DNAJC10: variants seen among roughly 807,000 people sequenced by gnomAD.
DNAJC10 encodes endoplasmic reticulum disulfide reductase DNAJC10.
A neutral mutation model predicts 115.0 loss-of-function variants in DNAJC10; 101 were observed. The observed-to-expected ratio is 0.88, with a 90% CI of 0.75 to 1.04. The LOEUF (loss-of-function observed/expected upper bound fraction) is 1.04. Ranked by LOEUF, DNAJC10 falls within the 50% of genes least tolerant of loss-of-function variation. The probability of loss-of-function intolerance (pLI) is 0.00; values close to 1 mark genes in which losing one functional copy is unlikely to be tolerated. For missense variants in DNAJC10, 981 were observed against 928.8 expected, an observed-to-expected ratio of 1.06 and a Z score of -0.73; for synonymous variants, 307 against 301.5, an observed-to-expected ratio of 1.02 and a Z score of -0.19.
intron 23 of DNAJC10, 38 bp downstream of exon 23, chr2:182,775,458 G>A (rs754138855): frequency 1.4e-6 from 2 of 1,435,962 alleles, no homozygotes; most frequent in Admixed American, 1.8e-5. Context: ...GGCAAAAGTT[G>A]GCAAAAGTTA....
chr2:182,756,366 T>C lies in DNAJC10; in HGVS notation c.1706T>C (p.Leu569Pro). ...CTTACACCCACCACCTTCAACGAACTAGTTACACAAAGAAAACACAACGAA... is the reference window on the plus strand; with the variant it reads ...CTTACACCCACCACCTTCAACGAACCAGTTACACAAAGAAAACACAACGAA... The part of the protein sequence containing the change: ...VSLTPTTFNE[L>P]VTQRKHNEVW... Residue 569 changes from leucine (L) to proline (P), a missense_variant, in exon 18 of 24, where the codon CTA becomes CCA. By Grantham distance (98) the Leu-to-Pro change is moderately conservative. Transcript: ENST00000264065. 6.2e-7 allele frequency: 1 copy of C among 1,613,996 alleles called. No individual in the cohort carries two copies. The highest frequency in any genetic ancestry group is 8.5e-7 in the Non-Finnish European group (1 of 1,179,880).
At position 182,751,911 on chromosome 2, in the gene DNAJC10, T is replaced by C. The variant is rs184909727; in HGVS notation, c.1434+126T>C. ...TGTGTCATTCCATTATGGCCACTAA[T>C]GCATATTGCTTTTAAATGAGTGCTA... On this transcript the variant is annotated intron_variant, in intron 15 of 23. Transcript: ENST00000264065. 3.1e-3 allele frequency: 4,009 copies of C among 1,295,984 alleles called. 11 individuals carry two copies. Among genetic ancestry groups the C allele is most frequent in the Non-Finnish European group, 4.1e-3 (3,800 of 928,486 alleles). 80.3% of individuals were successfully genotyped at this position (1,295,984 alleles called of 1,614,324 possible).
intron 14 of DNAJC10, among the ~76,000 whole-genome samples, chr2:182,745,905 C>T (rs1016126915): frequency 1.3e-5 from 2 of 151,864 alleles, no homozygotes; most frequent in Admixed American, 1.3e-4. Flanking sequence ...CACCCCACAA[C>T]AGTACCCAGA....
At chr2:182,724,000 T>G (rs1386735819) in intron 5 of DNAJC10, among the ~76,000 whole-genome samples, 1 of 152,180 alleles carries the variant, frequency 6.6e-6, no homozygotes, top group Non-Finnish European at 1.5e-5. Flanking sequence ...AAGCAGATGT[T>G]ATCATTTCTG....
chr2:182,743,085 A>C (rs1041491181), intron 13 of DNAJC10, among the ~76,000 whole-genome samples: 7 of 151,908 alleles, frequency 4.6e-5, no homozygotes, highest in African/African-American at 1.7e-4. Context: ...GACCTCAGGC[A>C]ATTCAGCTAC....
chr2:182,741,389 TG>T, intron 13 of DNAJC10, 33 bp downstream of exon 13: 3 of 1,115,326 alleles, frequency 2.7e-6, no homozygotes, highest in Non-Finnish European at 3.9e-6. Flanking sequence ...AGCCTTCTGC[TG>T]GTGTACTTTG....
intron 5 of DNAJC10, 25 bp downstream of exon 5, chr2:182,722,100 A>G: frequency 6.7e-7 from 1 of 1,484,352 alleles, no homozygotes. Flanking sequence ...TTAAGGTTTT[A>G]TAAAACTAAT....
intron 21 of DNAJC10, among the ~76,000 whole-genome samples, chr2:182,760,334 T>A (rs1305898128): frequency 6.6e-6 from 1 of 152,208 alleles, no homozygotes; most frequent in Non-Finnish European, 1.5e-5. Flanking sequence ...ATATTAATTC[T>A]TTATTTATTA....
rs1045217069 is a variant in DNAJC10 at position 182,792,649 on chromosome 2, C to T, written c.*15517C>T. The T allele has an allele frequency of 1.3e-5, 2 of 152,232 alleles. No individual in the cohort carries two copies. Among genetic ancestry groups the T allele is most frequent in the African/African-American group, 2.4e-5 (1 of 41,462 alleles). The allele number at this position is 152,232 out of a possible 1,614,324, so 9.4% of individuals were successfully genotyped here. ...GGCCTATAACCTCAAACCAGTTTAT[C>T]TGCAAGAGAAGTGTGTGAAGTTAGA... On this transcript the variant is annotated 3_prime_UTR_variant, in exon 24 of 24. Coordinates refer to ENST00000264065, the MANE Select transcript of DNAJC10 (RefSeq NM_018981.4).
intron 21 of DNAJC10, among the ~76,000 whole-genome samples, chr2:182,759,625 G>C (rs1462552808): frequency 6.6e-6 from 1 of 151,978 alleles, no homozygotes. Context: ...GCAGTTACTA[G>C]ATTGTGTCAG....
At position 182,743,626 on chromosome 2, in the gene DNAJC10, C is replaced by A. The variant is rs776733960; in HGVS notation, c.1220C>A (p.Pro407Gln). The change falls in exon 14 of 24, where the codon CCA becomes CAA. Residue 407 changes from proline to glutamine, a missense_variant. Pro to Gln is a moderately conservative substitution (Grantham distance 76, BLOSUM62 -1). Coordinates refer to ENST00000264065, the MANE Select transcript of DNAJC10 (RefSeq NM_018981.4). ...GGCAGGTTTGACTGTTCCTCTGCAC[C>A]AGACATCTGTAGTAATCTGTATGTT... ...QVGRFDCSSA[P>Q]DICSNLYVFQ... The A allele has an allele frequency of 1.9e-6, 3 of 1,613,230 alleles. No individual in the cohort carries two copies. The African/African-American group carries it at 4.0e-5, about 22-fold the overall frequency.
At chr2:182,733,688 A>AT (rs10642468) in intron 10 of DNAJC10, among the ~76,000 whole-genome samples, 45,222 of 133,878 alleles carry the variant, frequency 0.34, 9,425 homozygotes, top group East Asian at 0.52. Context: ...TTCTTTCTCA[A>AT]TTTTTTTTTT....
chr2:182,734,410 T>G (rs563120168), intron 10 of DNAJC10, among the ~76,000 whole-genome samples: 3 of 151,880 alleles, frequency 2.0e-5, no homozygotes, highest in Admixed American at 2.0e-4. Context: ...TTTGTTATTT[T>G]TGGCTAGCTT....
chr2:182,769,890 T>C (rs1694515387), intron 22 of DNAJC10, among the ~76,000 whole-genome samples: 1 of 152,228 alleles, frequency 6.6e-6, no homozygotes, highest in Admixed American at 6.5e-5. Flanking sequence ...ATGAAGTCCT[T>C]GCCCATGCCT....
In DNAJC10 at chr2:182,777,155, G is replaced by C; in HGVS notation, c.*23G>C. The C allele has an allele frequency of 7.3e-7, 1 of 1,367,164 alleles. No individual in the cohort carries two copies. The highest frequency in any genetic ancestry group is 9.9e-7 in the Non-Finnish European group (1 of 1,011,882). 84.7% of individuals were successfully genotyped at this position (1,367,164 alleles called of 1,614,324 possible). A position where few individuals can be genotyped will look rare whatever the true frequency, so the allele number is the denominator to read the frequency against. ...TGATAATGTTGAAGATGAAGAAAAA[G>C]TTTAAAAGAAATTCTGACAGATGAC... On this transcript the variant is annotated 3_prime_UTR_variant, in exon 24 of 24. Coordinates refer to ENST00000264065, the MANE Select transcript of DNAJC10 (RefSeq NM_018981.4).
intron 23 of DNAJC10, 63 bp downstream of exon 23, chr2:182,775,483 T>A: frequency 1.0e-6 from 1 of 997,166 alleles, no homozygotes; most frequent in South Asian, 1.4e-5. Context: ...AATCTATTTT[T>A]CCTATACATT....
At chr2:182,726,879 G>A (rs921017240) in intron 5 of DNAJC10, among the ~76,000 whole-genome samples, 24 of 149,020 alleles carry the variant, frequency 1.6e-4, no homozygotes, top group Non-Finnish European at 2.8e-4. Flanking sequence ...CTGCGGGCAT[G>A]TGCCACCATG....
chr2:182,748,910 T>C, intron 14 of DNAJC10, among the ~76,000 whole-genome samples: 1 of 152,048 alleles, frequency 6.6e-6, no homozygotes, highest in Non-Finnish European at 1.5e-5. Context: ...CATTTTGTTA[T>C]GTACCCAGTA....
intron 21 of DNAJC10, among the ~76,000 whole-genome samples, chr2:182,760,305 A>G (rs1449625917): frequency 6.6e-6 from 1 of 152,208 alleles, no homozygotes; most frequent in Non-Finnish European, 1.5e-5. Context: ...ATATGTTATC[A>G]AGTGTACTGA....
Sources: gnomAD v4.1 joint callset for allele counts (sites outside exome capture counted in the v4.1 genomes callset) on GRCh38, gnomAD v4.1.1 for gene constraint, MANE v1.5 for transcripts, NCBI Gene and HGNC (gene_info 2026-07-23, HGNC 2026-07-21) for gene names.